PCED1B: variants seen among roughly 807,000 people sequenced by gnomAD.
PCED1B encodes the protein PC-esterase domain containing 1B.
For synonymous variants in PCED1B, 251 were observed against 246.1 expected, an observed-to-expected ratio of 1.02 and a Z score of -0.19; for missense variants, 573 against 573.9, an observed-to-expected ratio of 1.00 and a Z score of 0.02.
intron 2 of PCED1B, among the ~76,000 whole-genome samples, chr12:47,110,124 C>G (rs755067866): frequency 2.0e-5 from 3 of 152,166 alleles, no homozygotes; most frequent in Non-Finnish European, 2.9e-5. Context: ...GCTTTTTCCT[C>G]TCCTCCTATG....
At chr12:47,117,361 T>C (rs1171896819) in intron 2 of PCED1B, among the ~76,000 whole-genome samples, 3 of 151,990 alleles carry the variant, frequency 2.0e-5, no homozygotes, top group South Asian at 2.1e-4. Context: ...CTCCACCCCA[T>C]GACAGGCCCC....
At chr12:47,222,706 G>T (rs907002475) in intron 3 of PCED1B, among the ~76,000 whole-genome samples, 14 of 152,120 alleles carry the variant, frequency 9.2e-5, no homozygotes, top group Non-Finnish European at 1.8e-4. Flanking sequence ...TATTGATGAG[G>T]TTTCTTCAGG....
intron 2 of PCED1B, among the ~76,000 whole-genome samples, chr12:47,119,612 A>G (rs536575836): frequency 6.6e-6 from 1 of 152,270 alleles, no homozygotes; most frequent in Middle Eastern, 3.4e-3. Context: ...ACAACTCATA[A>G]AATGGGAGAC....
chr12:47,183,408 G>A (rs952144763), intron 2 of PCED1B, among the ~76,000 whole-genome samples: 8 of 152,146 alleles, frequency 5.3e-5, no homozygotes, highest in Non-Finnish European at 2.9e-5. Context: ...ATGTGCTAGT[G>A]TTTCCTAACA....
chr12:47,145,301 A>G (rs1581560), intron 2 of PCED1B, among the ~76,000 whole-genome samples: 87,186 of 151,958 alleles, frequency 0.57, 25,808 homozygotes, highest in Admixed American at 0.64. Flanking sequence ...GGTTCATGAG[A>G]TTTAAGGAAA....
intron 2 of PCED1B, among the ~76,000 whole-genome samples, chr12:47,154,034 G>A (rs149505010): frequency 5.3e-5 from 8 of 152,136 alleles, no homozygotes; most frequent in South Asian, 2.1e-4. Context: ...TGCATTTAAC[G>A]TATTACATCA....
chr12:47,151,292 G>A (rs190771125), intron 2 of PCED1B, among the ~76,000 whole-genome samples: 21 of 152,108 alleles, frequency 1.4e-4, no homozygotes, highest in Non-Finnish European at 1.9e-4. Flanking sequence ...ATTTAGATAC[G>A]AAAGTACTTT....
chr12:47,236,571 G>A lies in PCED1B; in HGVS notation c.*209G>A. 1.9e-6 allele frequency: 1 copy of A among 531,188 alleles called. No individual in the cohort carries two copies. Among genetic ancestry groups the A allele is most frequent in the Non-Finnish European group, 3.3e-6 (1 of 299,300 alleles). 32.9% of individuals were successfully genotyped at this position (531,188 alleles called of 1,614,324 possible). Reference sequence around the variant, plus strand: ...GGCTGCAGCCTCTTCCCCACTTCCTGGGAGTGACCCAGCGTTATTCCTGCC... The same window carrying A: ...GGCTGCAGCCTCTTCCCCACTTCCTAGGAGTGACCCAGCGTTATTCCTGCC... On this transcript the variant is annotated 3_prime_UTR_variant, in exon 4 of 4. Transcript: ENST00000546455.
At chr12:47,160,605 A>G (rs1204409348) in intron 2 of PCED1B, among the ~76,000 whole-genome samples, 1 of 152,024 alleles carries the variant, frequency 6.6e-6, no homozygotes, top group East Asian at 1.9e-4. Context: ...ATGAGCCACA[A>G]TACCCAGCCA....
At chr12:47,219,985 A>G (rs1943422179) in intron 3 of PCED1B, among the ~76,000 whole-genome samples, 1 of 147,280 alleles carries the variant, frequency 6.8e-6, no homozygotes, top group Admixed American at 6.9e-5. Flanking sequence ...AGGAGGGAGG[A>G]TTGATTGAGC....
At chr12:47,179,266 G>A (rs967263343) in intron 2 of PCED1B, among the ~76,000 whole-genome samples, 1 of 152,130 alleles carries the variant, frequency 6.6e-6, no homozygotes, top group Non-Finnish European at 1.5e-5. Flanking sequence ...AACTAATATG[G>A]AGCTTAAACT....
intron 3 of PCED1B, among the ~76,000 whole-genome samples, chr12:47,228,494 C>T (rs1405191829): frequency 6.6e-6 from 1 of 152,104 alleles, no homozygotes; most frequent in Non-Finnish European, 1.5e-5. Flanking sequence ...AGAGAAGATC[C>T]TTCTTCTATT....
intron 2 of PCED1B, among the ~76,000 whole-genome samples, chr12:47,134,776 G>A (rs1314893194): frequency 6.6e-6 from 1 of 152,214 alleles, no homozygotes; most frequent in Admixed American, 6.5e-5. Flanking sequence ...GCTGAGGCAG[G>A]AGAATTGCTT....
chr12:47,117,555 C>G (rs947400317), intron 2 of PCED1B, among the ~76,000 whole-genome samples: 26 of 152,168 alleles, frequency 1.7e-4, no homozygotes, highest in South Asian at 6.2e-4. Context: ...GCATAGTATT[C>G]CATGGTGTAT....
intron 2 of PCED1B, among the ~76,000 whole-genome samples, chr12:47,147,656 A>G (rs962098845): frequency 3.9e-5 from 6 of 152,050 alleles, no homozygotes; most frequent in Admixed American, 6.6e-5. Flanking sequence ...ATTGATATCT[A>G]TTTACTATTT....
chr12:47,096,945 G>A (rs1159986705), intron 1 of PCED1B, among the ~76,000 whole-genome samples: 2 of 152,188 alleles, frequency 1.3e-5, no homozygotes, highest in African/African-American at 4.8e-5. Flanking sequence ...AGATCAGGCA[G>A]CAATATTGAT....
At chr12:47,134,665 C>T (rs1167549498) in intron 2 of PCED1B, among the ~76,000 whole-genome samples, 2 of 152,142 alleles carry the variant, frequency 1.3e-5, no homozygotes, top group African/African-American at 2.4e-5. Flanking sequence ...GTCAACAGAT[C>T]GAGACCATCC....
At chr12:47,104,293 T>C (rs1251145611) in intron 2 of PCED1B, 98 bp downstream of exon 2, 2 of 152,252 alleles carry the variant, frequency 1.3e-5, no homozygotes, top group African/African-American at 4.8e-5. Context: ...GTTATTGGGC[T>C]GTACTCTGAC....
chr12:47,167,846 T>C (rs898820152), intron 2 of PCED1B, among the ~76,000 whole-genome samples: 2 of 151,996 alleles, frequency 1.3e-5, no homozygotes, highest in African/African-American at 2.4e-5. Flanking sequence ...ACCTCCAGAG[T>C]AAAACTCTCG....
Sources: gnomAD v4.1 joint callset for allele counts (sites outside exome capture counted in the v4.1 genomes callset) on GRCh38, gnomAD v4.1.1 for gene constraint, MANE v1.5 for transcripts, NCBI Gene and HGNC (gene_info 2026-07-23, HGNC 2026-07-21) for gene names.